ARHGEF7: variants seen among roughly 807,000 people sequenced by gnomAD.
ARHGEF7 encodes the protein Rho guanine nucleotide exchange factor 7.
Under a neutral mutation model 109.8 loss-of-function variants are expected in ARHGEF7, and 33 were observed. That is an observed-to-expected ratio of 0.30 (90% CI 0.23 to 0.40). ARHGEF7 has a LOEUF of 0.40. Among genes scored for constraint, ARHGEF7 ranks in the 10% least tolerant of loss-of-function variants. ARHGEF7 has a pLI of 1.00. For missense variants in ARHGEF7, 938 were observed against 1,098.5 expected (o/e 0.85, Z 2.07); for synonymous variants, 458 against 424.6 (o/e 1.08, Z -0.97).
At chr13:111,256,646 C>G (rs1291265692) in intron 8 of ARHGEF7, among the ~76,000 whole-genome samples, 1 of 152,234 alleles carries the variant, frequency 6.6e-6, no homozygotes, top group Non-Finnish European at 1.5e-5. Context: ...TGCTCACTCG[C>G]TCTCTTCGTA....
At position 111,255,609 on chromosome 13, in the gene ARHGEF7, A is replaced by AT; in HGVS notation, c.950+11316dup. ...ACCATTTATAACTTCAGTTGTGAAAATGTAACTTCGCACTGGCTTTGGAGG... is the reference window on the plus strand; with the variant it reads ...ACCATTTATAACTTCAGTTGTGAAAATTGTAACTTCGCACTGGCTTTGGAGG... On this transcript the variant is annotated intron_variant, in intron 8 of 21. Coordinates refer to ENST00000646102, the MANE Select transcript of ARHGEF7 (RefSeq NM_001354046.2). This position sits in a 1 kb window ranked among gnomAD's most constrained non-coding sequence, Gnocchi z 4.1. Among the ~76,000 whole-genome samples, 1 of 152,214 alleles carries AT rather than the reference A, an allele frequency of 6.6e-6. No homozygotes were observed. Among genetic ancestry groups the AT allele is most frequent in the Non-Finnish European group, 1.5e-5 (1 of 68,028 alleles).
At chr13:111,120,371 G>A (rs966260636) in intron 1 of ARHGEF7, among the ~76,000 whole-genome samples, 1 of 152,168 alleles carries the variant, frequency 6.6e-6, no homozygotes, top group African/African-American at 2.4e-5. Flanking sequence ...ATACACACAC[G>A]CATACATGCA....
chr13:111,298,512 G>A (rs1282540851), intron 19 of ARHGEF7, among the ~76,000 whole-genome samples: 1 of 152,226 alleles, frequency 6.6e-6, no homozygotes, highest in Non-Finnish European at 1.5e-5. Context: ...TGGAGCACAG[G>A]CACCTGGAGT....
intron 19 of ARHGEF7, chr13:111,295,146 TA>T (rs201571809): frequency 7.8e-5 from 77 of 985,062 alleles, no homozygotes; most frequent in South Asian, 2.4e-4. Flanking sequence ...TGTTTTATAT[TA>T]AAAAAAACCT....
In ARHGEF7 at chr13:111,283,333, C is replaced by G. The variant is rs1414433427; in HGVS notation, c.1920C>G (p.Leu640=). Residue 640 remains leucine, a synonymous_variant, in exon 16 of 22, where the codon CTC becomes CTG. Coordinates refer to ENST00000646102, the MANE Select transcript of ARHGEF7 (RefSeq NM_001354046.2). ...GCTGCCTGCGGCCCGCGCCTCCCCT[C>G]CGGCCCTCAGCTGCTCTCTGCTACA... ...SLSCLRPAPP[L]RPSAALCYKE... is the part of the protein sequence containing the mutation. 7 of 1,554,576 alleles carry G rather than the reference C, an allele frequency of 4.5e-6. No homozygotes were observed. The East Asian group carries it at 7.1e-5, about 16-fold the overall frequency.
intron 2 of ARHGEF7, chr13:111,187,034 G>A: frequency 1.0e-6 from 1 of 985,572 alleles, no homozygotes; most frequent in Non-Finnish European, 1.2e-6. Context: ...GCTTGTTGGT[G>A]TGGGTATTGG....
chr13:111,301,782 C>G (rs1213021333), intron 21 of ARHGEF7, among the ~76,000 whole-genome samples: 1 of 152,092 alleles, frequency 6.6e-6, no homozygotes, highest in Non-Finnish European at 1.5e-5. Context: ...AACCCAGCTA[C>G]TTGGGAGGCT....
intron 1 of ARHGEF7, among the ~76,000 whole-genome samples, chr13:111,121,627 G>A (rs777568953): frequency 6.6e-6 from 1 of 152,234 alleles, no homozygotes; most frequent in Non-Finnish European, 1.5e-5. Flanking sequence ...AGGTGGCAGA[G>A]GCACATCATC....
chr13:111,254,632 C>T lies in ARHGEF7; in HGVS notation c.950+10338C>T, dbSNP rs560379114. 1.1e-3 allele frequency among the ~76,000 whole-genome samples: 149 copies of T among 135,744 alleles called. 1 individual carries two copies. The highest frequency in any genetic ancestry group is 3.9e-3 in the African/African-American group (139 of 35,482). 89.1% of individuals were successfully genotyped at this position (135,744 alleles called of 152,430 possible). ...GGCGCTGAGTCGCTAACGTGAAGGC[C>T]GGGCCCAGAAGAGGATTCGGGCTAA... On this transcript the variant is annotated intron_variant, in intron 8 of 21. Transcript: ENST00000646102.
chr13:111,215,926 T>C (rs965790091), intron 4 of ARHGEF7, among the ~76,000 whole-genome samples: 34 of 152,020 alleles, frequency 2.2e-4, no homozygotes, highest in African/African-American at 8.2e-4. Flanking sequence ...TTCCCCTGTT[T>C]TGGAGAAGCA....
chr13:111,245,278 G>A (rs547176728), intron 8 of ARHGEF7, among the ~76,000 whole-genome samples: 5 of 152,222 alleles, frequency 3.3e-5, no homozygotes, highest in African/African-American at 1.2e-4. Flanking sequence ...TTTGGTGCAA[G>A]TTTGGCTTTG....
intron 1 of ARHGEF7, 193 bp from the exon 2 acceptor site, chr13:111,153,712 A>C: frequency 8.4e-6 from 11 of 1,306,272 alleles, no homozygotes; most frequent in Non-Finnish European, 4.8e-6. Context: ...CCCCGGAGGA[A>C]GAAAAAAGGG....
chr13:111,241,597 T>C (rs568808680), intron 6 of ARHGEF7, among the ~76,000 whole-genome samples: 1 of 152,344 alleles, frequency 6.6e-6, no homozygotes, highest in South Asian at 2.1e-4. Flanking sequence ...GAGGGCTCTT[T>C]CAAGTAGTTT....
Position 111,254,567 on chromosome 13 carries a change from A to C in ARHGEF7, c.950+10273A>C, listed in dbSNP as rs75646281. Among the ~76,000 whole-genome samples, 137 of 141,506 alleles carry C rather than the reference A, an allele frequency of 9.7e-4. 6 individuals carry two copies. The South Asian group carries it at 0.011, about 11-fold the overall frequency. 92.8% of individuals were successfully genotyped at this position (141,506 alleles called of 152,430 possible). ...AGGATTCGGGCTAAGGCGCTGAGTC[A>C]CTAACGTGAAGGCTGGCCTCAGAAG... On this transcript the variant is annotated intron_variant, in intron 8 of 21. Transcript: ENST00000646102.
Position 111,174,768 on chromosome 13 carries a change from T to TG in ARHGEF7, c.252+20782dup, listed in dbSNP as rs367561968. Among the ~76,000 whole-genome samples, 265 of 152,252 alleles carry TG rather than the reference T, an allele frequency of 1.7e-3. 1 individual carries two copies. Among genetic ancestry groups the TG allele is most frequent in the African/African-American group, 6.1e-3 (255 of 41,536 alleles). On this transcript the variant is annotated intron_variant, in intron 2 of 21. Transcript: ENST00000646102. Reference sequence around the variant, plus strand: ...CTAGCGGTCTGGTCCATCTGTACGCTGGGGGTCGTAAGCAGAAAGGAGAGG... The same window carrying TG: ...CTAGCGGTCTGGTCCATCTGTACGCTGGGGGGTCGTAAGCAGAAAGGAGAGG...
At chr13:111,193,414 C>T (rs2080130849) in intron 2 of ARHGEF7, among the ~76,000 whole-genome samples, 1 of 152,236 alleles carries the variant, frequency 6.6e-6, no homozygotes, top group African/African-American at 2.4e-5. Context: ...TCTGCCTTTT[C>T]TCCTTACACT....
At position 111,283,503 on chromosome 13, in the gene ARHGEF7, G is replaced by T. The variant is rs1245751519; in HGVS notation, c.1950+140G>T. The T allele has an allele frequency of 5.1e-6, 7 of 1,370,064 alleles. 1 individual carries two copies. The highest frequency in any genetic ancestry group is 3.0e-5 in the South Asian group (2 of 66,682). The allele number at this position is 1,370,064 out of a possible 1,614,324, so 84.9% of individuals were successfully genotyped here. A position where few individuals can be genotyped will look rare whatever the true frequency, so the allele number is the denominator to read the frequency against. ...AACTGAGAAGGGGGGGTCTGCCTTG[G>T]TTCTCTGGTTATCTGCTCTGCTGCT... On this transcript the variant is annotated intron_variant, in intron 16 of 21. Transcript: ENST00000646102.
chr13:111,268,355 C>CA (rs1390742080), intron 9 of ARHGEF7, among the ~76,000 whole-genome samples: 6 of 151,892 alleles, frequency 4.0e-5, no homozygotes, highest in Non-Finnish European at 5.9e-5. Flanking sequence ...TAATGTTTTA[C>CA]AAAAAATTAA....
At chr13:111,174,590 T>G (rs987253703) in intron 2 of ARHGEF7, among the ~76,000 whole-genome samples, 1 of 152,236 alleles carries the variant, frequency 6.6e-6, no homozygotes, top group African/African-American at 2.4e-5. Flanking sequence ...CATACGTGGC[T>G]TAGTTCACTA....
Sources: gnomAD v4.1 joint callset for allele counts (sites outside exome capture counted in the v4.1 genomes callset) on GRCh38, gnomAD v4.1.1 for gene constraint, Gnocchi (gnomAD v3.1) non-coding constraint, MANE v1.5 for transcripts, NCBI Gene and HGNC (gene_info 2026-07-23, HGNC 2026-07-21) for gene names.